Variants in CATSPERE observed in about 807,000 individuals in gnomAD.
CATSPERE encodes the protein catsper channel auxiliary subunit epsilon, also known as cation channel sperm-associated auxiliary subunit epsilon.
CATSPERE carries 93 observed loss-of-function variants against 114.1 expected under a neutral mutation model. The observed-to-expected ratio is 0.81, with a 90% CI of 0.69 to 0.97. CATSPERE has a LOEUF of 0.97. Among genes scored for constraint, CATSPERE ranks in the 50% least tolerant of loss-of-function variants. CATSPERE has a pLI of 0.00. For missense variants in CATSPERE, 1,058 were observed against 1,131.6 expected (o/e 0.93, Z 0.93); for synonymous variants, 341 against 384.1 (o/e 0.89, Z 1.31).
At chr1:244,591,287 C>G (rs1203963770) in intron 14 of CATSPERE, among the ~76,000 whole-genome samples, 2 of 149,212 alleles carry the variant, frequency 1.3e-5, no homozygotes, top group African/African-American at 5.0e-5. Flanking sequence ...CATCTACTCT[C>G]TTTGCGTTTT....
chr1:244,478,524 G>A (rs183537961), intron 4 of CATSPERE, among the ~76,000 whole-genome samples: 22 of 152,342 alleles, frequency 1.4e-4, no homozygotes, highest in Admixed American at 1.3e-3. Flanking sequence ...ACACAAGTGT[G>A]CCTGAAGCTG....
intron 8 of CATSPERE, among the ~76,000 whole-genome samples, chr1:244,537,628 TATTA>T (rs1189069646): frequency 1.3e-5 from 2 of 152,208 alleles, no homozygotes; most frequent in Admixed American, 6.5e-5. Context: ...TTTGGAAGAT[TATTA>T]ATTATTTTTC....
intron 17 of CATSPERE, among the ~76,000 whole-genome samples, chr1:244,604,308 C>T (rs912799728): frequency 2.6e-5 from 4 of 152,182 alleles, no homozygotes; most frequent in Admixed American, 2.0e-4. Context: ...CTCTTCATGA[C>T]GTCTCAAAAC....
chr1:244,590,303 A>C (rs964203266), intron 14 of CATSPERE, among the ~76,000 whole-genome samples: 43 of 152,356 alleles, frequency 2.8e-4, no homozygotes, highest in Middle Eastern at 3.4e-3. Context: ...AGCAACTAGA[A>C]ATCTTGCATT....
At chr1:244,470,801 T>C (rs1277866806) in intron 2 of CATSPERE, among the ~76,000 whole-genome samples, 1 of 152,238 alleles carries the variant, frequency 6.6e-6, no homozygotes, top group East Asian at 1.9e-4. Flanking sequence ...TAAAATGTAG[T>C]ATGTTTATAT....
At chr1:244,559,934 G>A (rs559265614) in intron 9 of CATSPERE, among the ~76,000 whole-genome samples, 3 of 152,112 alleles carry the variant, frequency 2.0e-5, no homozygotes, top group African/African-American at 7.2e-5. Context: ...TATGCCTGAA[G>A]TATTATTCAA....
chr1:244,557,536 T>C (rs1271818355), intron 9 of CATSPERE, among the ~76,000 whole-genome samples: 5 of 22,428 alleles, frequency 2.2e-4, no homozygotes, highest in African/African-American at 1.8e-3. Context: ...AATATTCATA[T>C]ATATATATAT....
intron 17 of CATSPERE, among the ~76,000 whole-genome samples, chr1:244,605,179 T>A (rs1456120189): frequency 6.6e-6 from 1 of 152,208 alleles, no homozygotes; most frequent in Non-Finnish European, 1.5e-5. Context: ...TGTGGTTTCA[T>A]TCTCTAGTAC....
intron 8 of CATSPERE, among the ~76,000 whole-genome samples, chr1:244,525,401 A>T (rs371850495): frequency 6.6e-6 from 1 of 151,948 alleles, no homozygotes; most frequent in Non-Finnish European, 1.5e-5. Context: ...ATGATGAGTT[A>T]GTGGGTACAG....
At position 244,464,637 on chromosome 1, in the gene CATSPERE, A is replaced by G. The variant is rs140749452; in HGVS notation, c.114+681A>G. Among the ~76,000 whole-genome samples, 5 of 152,286 alleles carry G rather than the reference A, an allele frequency of 3.3e-5. No individual in the cohort carries two copies. In the East Asian group the frequency reaches 7.7e-4, roughly 24 times the overall value. ...CAGTTACAATTTATATTCTCACTCA[A>G]TGTACATCTTCACCAAAATTTGGTG... On this transcript the variant is annotated intron_variant, in intron 2 of 21. Coordinates refer to ENST00000366534, the MANE Select transcript of CATSPERE (RefSeq NM_001130957.2).
At chr1:244,638,765 T>C (rs1305797336) in intron 21 of CATSPERE, among the ~76,000 whole-genome samples, 1 of 152,232 alleles carries the variant, frequency 6.6e-6, no homozygotes, top group African/African-American at 2.4e-5. Flanking sequence ...TATTCCTTCA[T>C]ATTTCTCAAA....
At chr1:244,479,207 C>T (rs2148157588) in intron 4 of CATSPERE, among the ~76,000 whole-genome samples, 1 of 151,952 alleles carries the variant, frequency 6.6e-6, no homozygotes, top group South Asian at 2.1e-4. Context: ...GATTCTTCTG[C>T]CTCAGCCTCC....
chr1:244,520,450 G>A (rs979096968), intron 8 of CATSPERE, among the ~76,000 whole-genome samples: 2 of 152,152 alleles, frequency 1.3e-5, no homozygotes, highest in African/African-American at 2.4e-5. Context: ...AAGAGTGAAT[G>A]TGACAGTATA....
At chr1:244,604,623 A>C (rs1397967547) in intron 17 of CATSPERE, among the ~76,000 whole-genome samples, 1 of 152,238 alleles carries the variant, frequency 6.6e-6, no homozygotes, top group East Asian at 1.9e-4. Flanking sequence ...CCTCGAAGCA[A>C]GTGCCTGACA....
chr1:244,483,286 G>A lies in CATSPERE; in HGVS notation c.326+3502G>A, dbSNP rs547011164. Among the ~76,000 whole-genome samples, 3 of 152,304 alleles carry A rather than the reference G, an allele frequency of 2.0e-5. No individual in the cohort carries two copies. The East Asian group carries it at 5.8e-4, about 29-fold the overall frequency. On this transcript the variant is annotated intron_variant, in intron 5 of 21. Coordinates refer to ENST00000366534, the MANE Select transcript of CATSPERE (RefSeq NM_001130957.2). ...TATAGTAATTTACATGTGCATTATA[G>A]TTGGAGAAGTAGTACTGATTTAATG...
chr1:244,490,623 A>G, intron 6 of CATSPERE, 152 bp downstream of exon 6: 1 of 506,102 alleles, frequency 2.0e-6, no homozygotes, highest in Non-Finnish European at 3.5e-6. Flanking sequence ...CCCATTCAGG[A>G]GGTCCATGAG....
At chr1:244,569,632 GATATT>G (rs1664148945) in intron 10 of CATSPERE, among the ~76,000 whole-genome samples, 1 of 152,006 alleles carries the variant, frequency 6.6e-6, no homozygotes, top group South Asian at 2.1e-4. Context: ...CAATTATAAA[GATATT>G]ATATATTTTC....
intron 10 of CATSPERE, among the ~76,000 whole-genome samples, chr1:244,563,465 C>T (rs183597987): frequency 1.2e-3 from 176 of 152,270 alleles, no homozygotes; most frequent in African/African-American, 4.0e-3. Flanking sequence ...TTCTAACTGA[C>T]GTGAGACGGT....
chr1:244,498,893 A>T (rs1315468351), intron 6 of CATSPERE, 109 bp from the exon 7 acceptor site: 1 of 733,948 alleles, frequency 1.4e-6, no homozygotes, highest in African/African-American at 1.8e-5. Context: ...GCAAGACTCC[A>T]TCTCAAAAAA....
Sources: allele counts gnomAD v4.1 joint callset (sites outside exome capture counted in the v4.1 genomes callset), GRCh38; gene constraint gnomAD v4.1.1; transcripts MANE v1.5; gene names NCBI Gene and HGNC (gene_info 2026-07-23, HGNC 2026-07-21).